The following ARHGEF10L variants were observed in gnomAD, a reference collection of about 807,000 sequenced individuals.
The protein encoded by ARHGEF10L is Rho guanine nucleotide exchange factor 10 like, also known as rho guanine nucleotide exchange factor 10-like protein.
In ARHGEF10L, 69 loss-of-function variants were observed where a neutral mutation model predicts 141.2. The ratio of observed to expected loss-of-function variants is 0.49; its 90% CI spans 0.40 to 0.60. The LOEUF is 0.60. Ranked by LOEUF, ARHGEF10L falls within the 20% of genes least tolerant of loss-of-function variation. The pLI is 0.00. For synonymous variants in ARHGEF10L, 711 were observed against 718.5 expected (o/e 0.99, Z 0.17); for missense variants, 1,482 against 1,734.3 (o/e 0.85, Z 2.58).
chr1:17,638,801 G>A, intron 20 of ARHGEF10L, 112 bp downstream of exon 20: 1 of 1,496,870 alleles, frequency 6.7e-7, no homozygotes. Context: ...ATGCCATGGT[G>A]GGAGTGGATA....
intron 16 of ARHGEF10L, 69 bp from the exon 17 acceptor site, chr1:17,634,479 G>T (rs1557883841): frequency 1.2e-6 from 2 of 1,613,878 alleles, no homozygotes; most frequent in African/African-American, 1.3e-5. Flanking sequence ...CCCCAGCGGG[G>T]TCACAGCCCC....
intron 1 of ARHGEF10L, among the ~76,000 whole-genome samples, chr1:17,555,254 CT>C (rs11365162): frequency 0.031 from 4,573 of 149,090 alleles, 235 homozygotes; most frequent in African/African-American, 0.1. Flanking sequence ...GTATTGAATG[CT>C]TTTTTTTTTC....
In ARHGEF10L at chr1:17,664,557, C is replaced by T. The variant is rs6695710; in HGVS notation, c.2971C>T (p.Arg991Trp). ...TGCCGTGTGGGCCAGCTGTGGGCCC[C>T]GGGTCACTGTCCTGGAAGCCACCAC... ...EDAVWASCGP[R>W]VTVLEATTLQ... The change falls in exon 26 of 29, where the codon CGG becomes TGG. Residue 991 changes from arginine (R) to tryptophan (W), a missense_variant. Coordinates refer to ENST00000361221, the MANE Select transcript of ARHGEF10L (RefSeq NM_018125.4). 65 of 1,605,974 alleles carry T rather than the reference C, an allele frequency of 4.0e-5. No homozygotes were observed. The African/African-American group carries it at 4.3e-4, about 11-fold the overall frequency.
At chr1:17,686,104 TTC>T (rs1491264107) in intron 26 of ARHGEF10L, among the ~76,000 whole-genome samples, 122 of 138,094 alleles carry the variant, frequency 8.8e-4, no homozygotes, top group African/African-American at 2.9e-3. Context: ...CTTTCTTTCT[TTC>T]TTTTTTTTTT....
At chr1:17,517,576 G>A in the ARHGEF10L span, among the ~76,000 whole-genome samples, 6 of 152,092 alleles carry the variant, frequency 3.9e-5, no homozygotes, top group South Asian at 4.1e-4. Flanking sequence ...GCCTCCCAAA[G>A]TGCTAAGATT....
the ARHGEF10L span, among the ~76,000 whole-genome samples, chr1:17,524,411 ACACACACAC>A: frequency 6.8e-5 from 10 of 146,804 alleles, no homozygotes; most frequent in Non-Finnish European, 1.1e-4. Flanking sequence ...ACACACACAC[ACACACACAC>A]AAAATTAGCC....
intron 1 of ARHGEF10L, among the ~76,000 whole-genome samples, chr1:17,542,468 G>A (rs144428878): frequency 6.6e-6 from 1 of 152,070 alleles, no homozygotes; most frequent in Non-Finnish European, 1.5e-5. Flanking sequence ...TATGAGAAAA[G>A]TGTACTGTTA....
chr1:17,577,586 A>G lies in ARHGEF10L; in HGVS notation c.-43-2967A>G, dbSNP rs542881574. On this transcript the variant is annotated intron_variant, in intron 1 of 28. Transcript: ENST00000361221. The stretch of plus-strand genomic sequence containing the variant: ...CCTGTGTGTGCAAAATGGTGGCCAC[A>G]GGCCTATGGGTATGGGCAGGGCTTG... Among the ~76,000 whole-genome samples the G allele has an allele frequency of 1.4e-4, 21 of 152,346 alleles. No homozygotes were observed. The South Asian group carries it at 4.1e-3, about 30-fold the overall frequency.
chr1:17,613,261 C>T, intron 8 of ARHGEF10L, 87 bp downstream of exon 8: 1 of 1,152,676 alleles, frequency 8.7e-7, no homozygotes, highest in African/African-American at 1.5e-5. Flanking sequence ...GCCCTGGTAC[C>T]ACGAAGCCTA....
rs1017632154 is a variant in ARHGEF10L, at chr1:17,572,956, A to G, written c.-43-7597A>G. 6.6e-5 allele frequency among the ~76,000 whole-genome samples: 10 copies of G among 152,122 alleles called. 1 individual carries two copies. Among genetic ancestry groups the G allele is most frequent in the African/African-American group, 1.9e-4 (8 of 41,492 alleles). On this transcript the variant is annotated intron_variant, in intron 1 of 28. Transcript: ENST00000361221. The stretch of plus-strand genomic sequence containing the variant: ...CAACGCTGCCCCTCCCTTTGGCTCC[A>G]CCCTGATGCCTGGGGAGTGGTAGAC...
At chr1:17,534,781 G>T (rs1180655530), upstream of ARHGEF10L, among the ~76,000 whole-genome samples, 1 of 151,584 alleles carries the variant, frequency 6.6e-6, no homozygotes, top group East Asian at 1.9e-4. Flanking sequence ...TGGAGACAGG[G>T]TTTCACCATG....
chr1:17,603,567 G>A lies in ARHGEF10L; in HGVS notation c.409G>A (p.Glu137Lys), dbSNP rs758882349. The A allele has an allele frequency of 4.3e-6, 7 of 1,613,536 alleles. No individual in the cohort carries two copies. Among genetic ancestry groups the A allele is most frequent in the Admixed American group, 3.3e-5 (2 of 59,966 alleles). The change falls in exon 6 of 29, where the codon GAG becomes AAG. Residue 137 changes from glutamate to lysine, a missense_variant. Physicochemically the swap from Glu to Lys is moderately conservative, Grantham distance 56. This residue lies in a region of ARHGEF10L where 232 missense variants were observed against 225.9 expected (regional missense o/e 1.03). Transcript: ENST00000361221. The surrounding 1 kb of genome is among the most constrained non-coding windows in gnomAD (Gnocchi z 4.8). ...TGTGATTTATGACGACGTCCCCTGCGAGAGCCCAGATGCGCATCAGCCCGG... is the reference window on the plus strand; with the variant it reads ...TGTGATTTATGACGACGTCCCCTGCAAGAGCCCAGATGCGCATCAGCCCGG... ...EDVIYDDVPC[E>K]SPDAHQPGAE...
chr1:17,517,997 G>A, the ARHGEF10L span, among the ~76,000 whole-genome samples: 2 of 152,144 alleles, frequency 1.3e-5, no homozygotes, highest in Non-Finnish European at 2.9e-5. Context: ...TAAGCCAGGG[G>A]TCAGTAAACT....
chr1:17,640,164 G>C (rs1439964325), intron 20 of ARHGEF10L, 38 bp from the exon 21 acceptor site: 1 of 1,590,270 alleles, frequency 6.3e-7, no homozygotes, highest in South Asian at 1.1e-5. Flanking sequence ...GCCCTTGTGT[G>C]GGTACTCACA....
the ARHGEF10L span, among the ~76,000 whole-genome samples, chr1:17,531,656 G>A: frequency 1.6e-4 from 25 of 152,232 alleles, no homozygotes; most frequent in African/African-American, 6.0e-4. Flanking sequence ...GATTCCATGC[G>A]GCCTCCACAC....
upstream of ARHGEF10L, among the ~76,000 whole-genome samples, chr1:17,536,477 C>CA (rs2076576818): frequency 1.3e-5 from 2 of 151,822 alleles, no homozygotes; most frequent in Admixed American, 6.6e-5. Flanking sequence ...ACTCTATCAC[C>CA]AAAAAAGAAA....
chr1:17,680,632 C>T (rs960471049), intron 26 of ARHGEF10L, among the ~76,000 whole-genome samples: 7 of 152,002 alleles, frequency 4.6e-5, no homozygotes, highest in African/African-American at 9.7e-5. Flanking sequence ...GCCCCAGAGG[C>T]GTGTTCTCTT....
rs139753941 is a variant in ARHGEF10L, at chr1:17,571,596, C to T, written c.-43-8957C>T. 5.9e-4 allele frequency among the ~76,000 whole-genome samples: 90 copies of T among 152,172 alleles called. 1 individual carries two copies. Among genetic ancestry groups the T allele is most frequent in the Non-Finnish European group, 9.3e-4 (63 of 68,006 alleles). ...TCACCCCAGCTGGAGTGCAGTAGTG[C>T]GATCTTGGCTCACTGCAACCTCTGC... On this transcript the variant is annotated intron_variant, in intron 1 of 28. Coordinates refer to ENST00000361221, the MANE Select transcript of ARHGEF10L (RefSeq NM_018125.4).
chr1:17,556,274 G>GGT (rs1233889648), intron 1 of ARHGEF10L, among the ~76,000 whole-genome samples: 1 of 107,312 alleles, frequency 9.3e-6, no homozygotes, highest in African/African-American at 3.5e-5. Context: ...CATGGCGGCG[G>GGT]GGGGGGGGCC....
Sources: gnomAD v4.1 joint callset for allele counts (sites outside exome capture counted in the v4.1 genomes callset) on GRCh38, gnomAD v4.1.1 for gene constraint, gnomAD v4.1.1 regional missense constraint, Gnocchi (gnomAD v3.1) non-coding constraint, MANE v1.5 for transcripts, NCBI Gene and HGNC (gene_info 2026-07-23, HGNC 2026-07-21) for gene names.